The following MICU1 variants were observed in gnomAD, a reference collection of about 807,000 sequenced individuals.
The protein encoded by MICU1 is mitochondrial calcium uptake 1.
In MICU1, 45 loss-of-function variants were observed where a neutral mutation model predicts 56.8. The ratio of observed to expected loss-of-function variants is 0.79; its 90% CI spans 0.62 to 1.02. The LOEUF is 1.02. MICU1 is among the 50% of genes least tolerant of loss of function. The pLI, the probability that MICU1 is intolerant of heterozygous loss-of-function variation, is 0.00. For synonymous variants in MICU1, 186 were observed against 195.1 expected (o/e 0.95, Z 0.39); for missense variants, 504 against 587.1 (o/e 0.86, Z 1.46).
At chr10:72,527,362 TTTTTG>T (rs763008748) in intron 5 of MICU1, among the ~76,000 whole-genome samples, 2 of 139,034 alleles carry the variant, frequency 1.4e-5, no homozygotes, top group South Asian at 4.2e-4. Flanking sequence ...TTTTCTTTTG[TTTTTG>T]TTTTGTTTTG....
intron 8 of MICU1, among the ~76,000 whole-genome samples, chr10:72,458,191 A>C (rs1865532370): frequency 6.6e-6 from 1 of 151,896 alleles, no homozygotes; most frequent in Admixed American, 6.6e-5. Flanking sequence ...AAGAAAAGAA[A>C]AGCATTTCTA....
At chr10:72,393,218 A>T (rs765574354) in intron 10 of MICU1, among the ~76,000 whole-genome samples, 3 of 152,234 alleles carry the variant, frequency 2.0e-5, no homozygotes, top group Non-Finnish European at 4.4e-5. Flanking sequence ...GAATACATCC[A>T]TGAGCAAGAC....
intron 1 of MICU1, among the ~76,000 whole-genome samples, chr10:72,585,994 A>ATTTTTTTTTTTTTTTTT (rs1276935862): frequency 1.0e-5 from 1 of 100,196 alleles, no homozygotes; most frequent in Non-Finnish European, 2.1e-5. Flanking sequence ...TATTGTTTTT[A>ATTTTTTTTTTTTTTTTT]TTTTTTCTTT....
chr10:72,568,385 T>C (rs2132478954), intron 1 of MICU1, among the ~76,000 whole-genome samples: 2 of 152,308 alleles, frequency 1.3e-5, no homozygotes, highest in African/African-American at 4.8e-5. Context: ...TTCCTTCTCT[T>C]TAAGTTTTTG....
At chr10:72,502,261 T>C (rs952192171) in intron 6 of MICU1, among the ~76,000 whole-genome samples, 4 of 151,912 alleles carry the variant, frequency 2.6e-5, no homozygotes, top group Non-Finnish European at 5.9e-5. Flanking sequence ...TTTAAGCAAT[T>C]TTCCTGCCTC....
At chr10:72,532,874 T>C in intron 5 of MICU1, 2 of 1,160,622 alleles carry the variant, frequency 1.7e-6, no homozygotes, top group South Asian at 1.8e-5. Context: ...TCAACACTTA[T>C]CTCTCCACCT....
intron 5 of MICU1, among the ~76,000 whole-genome samples, chr10:72,509,682 T>A (rs946591392): frequency 6.6e-6 from 1 of 152,202 alleles, no homozygotes; most frequent in African/African-American, 2.4e-5. Flanking sequence ...GAAGGCATAG[T>A]CCTGCTTGAT....
intron 1 of MICU1, among the ~76,000 whole-genome samples, chr10:72,620,946 G>A (rs535555404): frequency 3.5e-4 from 54 of 152,220 alleles, no homozygotes; most frequent in African/African-American, 1.3e-3. Context: ...TGATTGGCCA[G>A]GCATGGTGGC....
chr10:72,431,383 G>T (rs1049064675), intron 8 of MICU1, among the ~76,000 whole-genome samples: 2 of 152,098 alleles, frequency 1.3e-5, no homozygotes, highest in Non-Finnish European at 1.5e-5. Context: ...TCCCACCTTG[G>T]CCTCACAAAA....
At chr10:72,510,216 G>C (rs917802677) in intron 5 of MICU1, among the ~76,000 whole-genome samples, 13 of 152,294 alleles carry the variant, frequency 8.5e-5, no homozygotes, top group Admixed American at 2.6e-4. Context: ...CTGATGCTGA[G>C]AAGGTAACAT....
intron 3 of MICU1, among the ~76,000 whole-genome samples, chr10:72,562,351 A>C (rs1359113441): frequency 6.6e-6 from 1 of 151,910 alleles, no homozygotes; most frequent in African/African-American, 2.4e-5. Context: ...ACAGGGTTTC[A>C]TCACATTGGC....
At chr10:72,573,812 C>T (rs1840675678) in intron 1 of MICU1, among the ~76,000 whole-genome samples, 1 of 152,142 alleles carries the variant, frequency 6.6e-6, no homozygotes, top group Non-Finnish European at 1.5e-5. Context: ...TTACCAGCCC[C>T]ACCACTGAGC....
chr10:72,561,365 T>C (rs959446213), intron 3 of MICU1, among the ~76,000 whole-genome samples: 6 of 152,208 alleles, frequency 3.9e-5, no homozygotes, highest in Non-Finnish European at 7.3e-5. Flanking sequence ...CAGAGTAAAG[T>C]TGTGCTTTCT....
intron 1 of MICU1, among the ~76,000 whole-genome samples, chr10:72,578,558 C>T (rs1840812700): frequency 6.6e-6 from 1 of 151,880 alleles, no homozygotes; most frequent in African/African-American, 2.4e-5. Context: ...AGCCACCATG[C>T]CTGGCCCAAT....
chr10:72,490,915 G>A (rs1294045518), intron 6 of MICU1, among the ~76,000 whole-genome samples: 5 of 152,052 alleles, frequency 3.3e-5, no homozygotes, highest in Admixed American at 6.6e-5. Context: ...ATTTGTCTTC[G>A]TCCAGATCTG....
At chr10:72,490,128 C>T (rs1010597675) in intron 6 of MICU1, among the ~76,000 whole-genome samples, 5 of 152,214 alleles carry the variant, frequency 3.3e-5, no homozygotes, top group Admixed American at 1.3e-4. Context: ...TTCATTTACA[C>T]ACAGGACTTA....
At chr10:72,396,411 G>A (rs534750262) in intron 10 of MICU1, among the ~76,000 whole-genome samples, 4 of 152,260 alleles carry the variant, frequency 2.6e-5, no homozygotes, top group South Asian at 2.1e-4. Flanking sequence ...CGCCAGCAAC[G>A]GAACAAAGCT....
intron 1 of MICU1, among the ~76,000 whole-genome samples, chr10:72,603,184 C>T (rs540324085): frequency 6.6e-6 from 1 of 151,820 alleles, no homozygotes; most frequent in South Asian, 2.1e-4. Context: ...GTCAGGAGTT[C>T]GAGACCAGCC....
At chr10:72,485,305 T>C (rs962655875) in intron 6 of MICU1, among the ~76,000 whole-genome samples, 1 of 152,102 alleles carries the variant, frequency 6.6e-6, no homozygotes, top group Non-Finnish European at 1.5e-5. Flanking sequence ...CTCGATTTCC[T>C]GGGCTCAAGT....
Sources: allele counts gnomAD v4.1 joint callset (sites outside exome capture counted in the v4.1 genomes callset), GRCh38; gene constraint gnomAD v4.1.1; transcripts MANE v1.5; gene names NCBI Gene and HGNC (gene_info 2026-07-23, HGNC 2026-07-21).